TOX3: variants seen among roughly 807,000 people sequenced by gnomAD.
TOX3 encodes the protein CAG trinucleotide repeat-containing gene F9 protein.
Under a neutral mutation model 64.3 loss-of-function variants are expected in TOX3, and 22 were observed. The observed-to-expected ratio is 0.34, with a 90% CI of 0.24 to 0.49. The LOEUF is 0.49. Ranked by LOEUF, TOX3 falls within the 20% of genes least tolerant of loss-of-function variation. TOX3 has a pLI of 0.99. For missense variants in TOX3, 661 were observed against 714.4 expected (o/e 0.93, Z 0.85); for synonymous variants, 291 against 273.6 (o/e 1.06, Z -0.63).
At chr16:52,511,854 G>A (rs1163428060) in intron 1 of TOX3, among the ~76,000 whole-genome samples, 5 of 152,156 alleles carry the variant, frequency 3.3e-5, no homozygotes, top group Non-Finnish European at 1.5e-5. Flanking sequence ...AATATTTAAT[G>A]TAAAGTCATG....
chr16:52,468,411 A>T, intron 2 of TOX3, 98 bp downstream of exon 2: 2 of 1,106,782 alleles, frequency 1.8e-6, no homozygotes, highest in Non-Finnish European at 2.7e-6. Context: ...GCCACATAAG[A>T]GAGAGATAAA....
At chr16:52,480,541 C>A (rs1464424904) in intron 1 of TOX3, among the ~76,000 whole-genome samples, 1 of 152,124 alleles carries the variant, frequency 6.6e-6, no homozygotes, top group Non-Finnish European at 1.5e-5. Context: ...AAAAAAGGAA[C>A]AACAAATTAA....
At chr16:52,468,270 T>C (rs2287143) in intron 2 of TOX3, among the ~76,000 whole-genome samples, 2 of 152,348 alleles carry the variant, frequency 1.3e-5, no homozygotes, top group East Asian at 3.9e-4. Context: ...TTGTTTGCAT[T>C]ATTTTTTAAT....
rs950084039 is a variant in TOX3 at position 52,519,472 on chromosome 16, G to A, written c.87+27165C>T. ...TGCGCCTGGCTCCCGAGCGAGGTTG[G>A]CACTTCATCCTCCACTACATCTTCT... is the stretch of plus-strand genomic sequence containing the variant. On this transcript the variant is annotated intron_variant, in intron 1 of 6. Coordinates refer to ENST00000219746, the MANE Select transcript of TOX3 (RefSeq NM_001080430.4). 14 of 1,551,206 alleles carry A rather than the reference G, an allele frequency of 9.0e-6. No homozygotes were observed. The Admixed American group carries it at 2.7e-4, about 30-fold the overall frequency.
At chr16:52,467,349 A>G (rs1408146212) in intron 2 of TOX3, among the ~76,000 whole-genome samples, 1 of 152,238 alleles carries the variant, frequency 6.6e-6, no homozygotes, top group Non-Finnish European at 1.5e-5. Flanking sequence ...CCAGTGCCAA[A>G]CAATATTCCC....
rs180713977 is a variant in TOX3 at position 52,542,934 on chromosome 16, T to C, written c.87+3703A>G. 1.7e-4 allele frequency among the ~76,000 whole-genome samples: 26 copies of C among 152,330 alleles called. 1 individual carries two copies. The East Asian group carries it at 2.5e-3, about 15-fold the overall frequency. On this transcript the variant is annotated intron_variant, in intron 1 of 6. Transcript: ENST00000219746. The stretch of plus-strand genomic sequence containing the variant: ...GAGTCAAAGCACTAATATAAGAATG[T>C]CTTAATTAATCAAAGTGATCAATAA...
At chr16:52,524,246 G>C (rs979784521) in intron 1 of TOX3, among the ~76,000 whole-genome samples, 6 of 152,094 alleles carry the variant, frequency 3.9e-5, no homozygotes, top group Non-Finnish European at 7.4e-5. Context: ...ATAAACCCTG[G>C]AAGATGTCAA....
chr16:52,475,553 A>G (rs563115490), intron 1 of TOX3: 1 of 152,310 alleles, frequency 6.6e-6, no homozygotes, highest in East Asian at 1.9e-4. Flanking sequence ...CCCTAGGTGG[A>G]TGGGGGTTGG....
chr16:52,535,355 A>G (rs1449671474), intron 1 of TOX3, among the ~76,000 whole-genome samples: 1 of 152,198 alleles, frequency 6.6e-6, no homozygotes, highest in Non-Finnish European at 1.5e-5. Context: ...AGCCAGTGAG[A>G]TATAAGCAAA....
chr16:52,502,281 C>T (rs1051743097), intron 1 of TOX3, among the ~76,000 whole-genome samples: 1 of 152,088 alleles, frequency 6.6e-6, no homozygotes, highest in South Asian at 2.1e-4. Flanking sequence ...TGGAAAAAAG[C>T]CACACTTTTC....
rs1039690716 is a variant in TOX3 at position 52,527,184 on chromosome 16, A to C, written c.87+19453T>G. Among the ~76,000 whole-genome samples the C allele has an allele frequency of 7.9e-5, 12 of 152,200 alleles. No individual in the cohort carries two copies. In the East Asian group the frequency reaches 2.3e-3, roughly 29 times the overall value. ...CAAGATTTAAAAATAAAAAAATAAA[A>C]AAGTAAAAGAAAAGAAAAAGCTAGC... On this transcript the variant is annotated intron_variant, in intron 1 of 6. Transcript: ENST00000219746.
intron 1 of TOX3, among the ~76,000 whole-genome samples, chr16:52,498,593 G>T (rs74017849): frequency 6.6e-6 from 1 of 152,150 alleles, no homozygotes; most frequent in Non-Finnish European, 1.5e-5. Context: ...GGGGTTGGGG[G>T]GGGGAGGCTG....
chr16:52,504,294 G>A (rs1962093220), intron 1 of TOX3, among the ~76,000 whole-genome samples: 1 of 151,836 alleles, frequency 6.6e-6, no homozygotes, highest in South Asian at 2.1e-4. Context: ...GTGAAACCCC[G>A]TCTCTACTAA....
rs566096697 is a variant in TOX3, at chr16:52,532,676, G to A, written c.87+13961C>T. Among the ~76,000 whole-genome samples, 75 of 152,316 alleles carry A rather than the reference G, an allele frequency of 4.9e-4. 1 individual carries two copies. In the South Asian group the frequency reaches 0.014, roughly 28 times the overall value. On this transcript the variant is annotated intron_variant, in intron 1 of 6. Coordinates refer to ENST00000219746, the MANE Select transcript of TOX3 (RefSeq NM_001080430.4). ...GATAGATAACTGGTACAGACAACAC[G>A]GGTCTGCCTAGAAAGTGAAAAACAT...
intron 1 of TOX3, among the ~76,000 whole-genome samples, chr16:52,504,930 G>T (rs1317235930): frequency 6.6e-6 from 1 of 152,140 alleles, no homozygotes; most frequent in Non-Finnish European, 1.5e-5. Flanking sequence ...TGCCTCCCGG[G>T]TTCAAGCGAT....
At chr16:52,445,836 T>G (rs1033490131) in intron 5 of TOX3, 158 bp downstream of exon 5, 28 of 692,798 alleles carry the variant, frequency 4.0e-5, no homozygotes, top group Non-Finnish European at 6.2e-5. Context: ...GAGAGTTGTT[T>G]AGATTTATAT....
At chr16:52,469,147 G>A (rs548830399) in intron 1 of TOX3, among the ~76,000 whole-genome samples, 1 of 152,288 alleles carries the variant, frequency 6.6e-6, no homozygotes, top group East Asian at 1.9e-4. Flanking sequence ...CATCAGAGTT[G>A]CTGAAAACAG....
chr16:52,498,857 C>T (rs1028192989), intron 1 of TOX3, among the ~76,000 whole-genome samples: 1 of 152,214 alleles, frequency 6.6e-6, no homozygotes, highest in African/African-American at 2.4e-5. Flanking sequence ...AAGACAATTA[C>T]GTATTCAAAT....
chr16:52,536,101 T>A (rs1962939298), intron 1 of TOX3, among the ~76,000 whole-genome samples: 1 of 152,180 alleles, frequency 6.6e-6, no homozygotes, highest in Admixed American at 6.5e-5. Flanking sequence ...GCCAGGCACT[T>A]CTCTAAATGT....
Sources: allele counts gnomAD v4.1 joint callset (sites outside exome capture counted in the v4.1 genomes callset), GRCh38; gene constraint gnomAD v4.1.1; transcripts MANE v1.5; gene names NCBI Gene and HGNC (gene_info 2026-07-23, HGNC 2026-07-21).